KLHL5: variants seen among roughly 807,000 people sequenced by gnomAD.
The protein encoded by KLHL5 is kelch like family member 5, also known as kelch-like protein 5.
A neutral mutation model predicts 77.7 loss-of-function variants in KLHL5; 48 were observed. That is an observed-to-expected ratio of 0.62 (90% CI 0.49 to 0.79). The LOEUF is 0.79. Ranked by LOEUF, KLHL5 falls within the 30% of genes least tolerant of loss-of-function variation. The pLI, the probability that KLHL5 is intolerant of heterozygous loss-of-function variation, is 0.00. For missense variants in KLHL5, 723 were observed against 859.7 expected (o/e 0.84, Z 1.99); for synonymous variants, 260 against 297.0 (o/e 0.88, Z 1.28).
Position 39,121,166 on chromosome 4 carries a change from C to A in KLHL5, c.*100C>A. The A allele has an allele frequency of 1.1e-6, 1 of 913,972 alleles. No individual in the cohort carries two copies. Among genetic ancestry groups the A allele is most frequent in the Non-Finnish European group, 1.8e-6 (1 of 570,444 alleles). The allele number at this position is 913,972 out of a possible 1,614,324, so 56.6% of individuals were successfully genotyped here. Reference sequence around the variant, plus strand: ...CATTTTTAGTAAATGTGCATTGTCACAATCCTGGGCACAAAGTGCCTGATG... The same window carrying A: ...CATTTTTAGTAAATGTGCATTGTCAAAATCCTGGGCACAAAGTGCCTGATG... On this transcript the variant is annotated 3_prime_UTR_variant, in exon 11 of 11. Transcript: ENST00000504108.
In KLHL5 at chr4:39,123,289, AAAG is replaced by A. The variant is rs1301478445; in HGVS notation, c.*2229_*2231del. On this transcript the variant is annotated 3_prime_UTR_variant, in exon 11 of 11. Coordinates refer to ENST00000504108, the MANE Select transcript of KLHL5 (RefSeq NM_015990.5). Reference sequence around the variant, plus strand: ...TACTGGCAAACTATGCCAAACATATAAAGAAGAATTAACACTAATCCTTCTCGA... The same window carrying A: ...TACTGGCAAACTATGCCAAACATATAAAGAATTAACACTAATCCTTCTCGA... Among the ~76,000 whole-genome samples the A allele has an allele frequency of 6.6e-6, 1 of 152,232 alleles. No homozygotes were observed. The highest frequency in any genetic ancestry group is 1.5e-5 in the Non-Finnish European group (1 of 68,038).
intron 7 of KLHL5, among the ~76,000 whole-genome samples, chr4:39,106,827 A>G (rs188288599): frequency 2.3e-3 from 357 of 152,106 alleles, no homozygotes; most frequent in African/African-American, 7.7e-3. Flanking sequence ...TCATAGCTCA[A>G]TGCAACCTGA....
In KLHL5 at chr4:39,107,626, A is replaced by G. The variant is rs1181937396; in HGVS notation, c.1583A>G (p.Tyr528Cys). Residue 528 changes from tyrosine (Y) to cysteine (C), a missense_variant, in exon 8 of 11, where the codon TAT becomes TGT. Around this residue, in one of 3 missense-constraint regions of KLHL5, gnomAD observed 214 missense variants for 237.4 expected, o/e 0.90. Transcript: ENST00000504108. The part of the protein sequence containing the change: ...YAVGGHDGWS[Y>C]LNTVERWDPQ... ...GTAGGAGGACATGATGGCTGGAGCT[A>G]TCTGAACACAGTGGAAAGATGGGAC... is the stretch of plus-strand genomic sequence containing the variant. 1.2e-6 allele frequency: 2 copies of G among 1,612,858 alleles called. No individual in the cohort carries two copies. The highest frequency in any genetic ancestry group is 1.7e-5 in the Admixed American group (1 of 60,010).
chr4:39,096,736 A>C lies in KLHL5; in HGVS notation c.1158A>C (p.Ile386=). 1 of 1,613,234 alleles carries C rather than the reference A, an allele frequency of 6.2e-7. No homozygotes were observed. Among genetic ancestry groups the C allele is most frequent in the Non-Finnish European group, 8.5e-7 (1 of 1,179,196 alleles). Residue 386 remains isoleucine, a synonymous_variant, in exon 6 of 11, where the codon ATA becomes ATC. Coordinates refer to ENST00000504108, the MANE Select transcript of KLHL5 (RefSeq NM_015990.5). ...ATAATGTACTTTTTCGGGATGATATAGAATGTCAGAAACTCATTATGGAAG... is the reference window on the plus strand; with the variant it reads ...ATAATGTACTTTTTCGGGATGATATCGAATGTCAGAAACTCATTATGGAAG... ...MENNVLFRDD[I]ECQKLIMEAM...
In KLHL5 at chr4:39,113,013, T is replaced by C; in HGVS notation, c.1689-7T>C. The C allele has an allele frequency of 6.2e-7, 1 of 1,610,824 alleles. No homozygotes were observed. Among genetic ancestry groups the C allele is most frequent in the African/African-American group, 1.3e-5 (1 of 74,956 alleles). On this transcript the variant is annotated splice_region_variant and splice_polypyrimidine_tract_variant and intron_variant, in intron 8 of 10. Transcript: ENST00000504108. ...CTTATTTATCATTTCATATATTCTT[T>C]TTGCAGACTTTATGCAGTTGGTGGT...
At chr4:39,078,278 C>T (rs751016428) in intron 2 of KLHL5, among the ~76,000 whole-genome samples, 2 of 151,900 alleles carry the variant, frequency 1.3e-5, no homozygotes, top group African/African-American at 2.4e-5. Flanking sequence ...CCCAGCTCCT[C>T]GGGAGGCTGA....
chr4:39,091,854 T>TTG (rs1720605440), intron 5 of KLHL5, among the ~76,000 whole-genome samples: 1 of 142,116 alleles, frequency 7.0e-6, no homozygotes, highest in Admixed American at 7.6e-5. Flanking sequence ...TTTTTTTTTT[T>TTG]TTTTTTTTTT....
chr4:39,071,879 G>T (rs1355864730), intron 1 of KLHL5, among the ~76,000 whole-genome samples: 1 of 152,130 alleles, frequency 6.6e-6, no homozygotes, highest in African/African-American at 2.4e-5. Flanking sequence ...TAATATAAAA[G>T]ATTTGAATGA....
At chr4:39,086,373 C>A (rs1006194323) in intron 4 of KLHL5, 142 bp from the exon 5 acceptor site, 6 of 650,996 alleles carry the variant, frequency 9.2e-6, no homozygotes, top group Admixed American at 2.7e-5. Context: ...GTGTTTCTTT[C>A]CTAACAAGTA....
chr4:39,113,261 C>G (rs1560440830), intron 9 of KLHL5, 29 bp downstream of exon 9: 1 of 1,539,036 alleles, frequency 6.5e-7, no homozygotes, highest in African/African-American at 1.4e-5. Context: ...AAACTAGGAA[C>G]AAAAAAGATA....
Position 39,062,593 on chromosome 4 carries a change from A to G in KLHL5, c.-60A>G, listed in dbSNP as rs1577643878. The G allele has an allele frequency of 1.9e-6, 3 of 1,614,132 alleles. No individual in the cohort carries two copies. The highest frequency in any genetic ancestry group is 2.2e-5 in the South Asian group (2 of 91,086). ...TACTTCTCTTGTCTTGGTTGGATGC[A>G]CAAATCTGTGTGCAGTGCTTTTTGC... On this transcript the variant is annotated 5_prime_UTR_variant, in exon 1 of 11. Coordinates refer to ENST00000504108, the MANE Select transcript of KLHL5 (RefSeq NM_015990.5).
At chr4:39,117,532 G>C (rs973750604) in intron 10 of KLHL5, among the ~76,000 whole-genome samples, 1 of 152,130 alleles carries the variant, frequency 6.6e-6, no homozygotes, top group African/African-American at 2.4e-5. Flanking sequence ...GGATTCAAGA[G>C]ATATTGCCAG....
chr4:39,110,431 G>A (rs1376665936), intron 8 of KLHL5, among the ~76,000 whole-genome samples: 3 of 151,868 alleles, frequency 2.0e-5, no homozygotes, highest in Admixed American at 2.0e-4. Context: ...TTTCTAAGTT[G>A]AATCTCAAAC....
rs934203675 is a variant in KLHL5 at position 39,066,935 on chromosome 4, T to C, written c.383+3900T>C. Among the ~76,000 whole-genome samples the C allele has an allele frequency of 9.9e-5, 15 of 152,172 alleles. 1 individual carries two copies. The highest frequency in any genetic ancestry group is 1.8e-4 in the Non-Finnish European group (12 of 68,014). On this transcript the variant is annotated intron_variant, in intron 1 of 10. Coordinates refer to ENST00000504108, the MANE Select transcript of KLHL5 (RefSeq NM_015990.5). ...AGAAACTTTATTTTTTTAGAACCATTTTACATTTACAGGAAAATTACAAAG... is the reference window on the plus strand; with the variant it reads ...AGAAACTTTATTTTTTTAGAACCATCTTACATTTACAGGAAAATTACAAAG...
At chr4:39,058,791 G>T (rs1717177144), upstream of KLHL5, among the ~76,000 whole-genome samples, 2 of 151,992 alleles carry the variant, frequency 1.3e-5, no homozygotes, top group South Asian at 2.1e-4. Flanking sequence ...ATTCATTAGA[G>T]AAATATTTAT....
At chr4:39,142,373 G>A in the KLHL5 span, among the ~76,000 whole-genome samples, 3 of 148,354 alleles carry the variant, frequency 2.0e-5, no homozygotes, top group Admixed American at 1.4e-4. Flanking sequence ...CCAGCTGAGC[G>A]ACAAGAGCAA....
Position 39,081,076 on chromosome 4 carries a change from A to ATT in KLHL5, c.567-18_567-17dup. The ATT allele has an allele frequency of 4.0e-6, 6 of 1,490,892 alleles. No homozygotes were observed. The highest frequency in any genetic ancestry group is 2.4e-5 in the East Asian group (1 of 41,856). 92.4% of individuals were successfully genotyped at this position (1,490,892 alleles called of 1,614,324 possible). On this transcript the variant is annotated intron_variant, in intron 2 of 10. Transcript: ENST00000504108. The surrounding 1 kb of genome is among the most constrained non-coding windows in gnomAD (Gnocchi z 4.3). ...AACATCAACTCGAATGTGGTCATTGATTTTTTTTTTCCTAATGTGTTCACA... is the reference window on the plus strand; with the variant it reads ...AACATCAACTCGAATGTGGTCATTGATTTTTTTTTTTTCCTAATGTGTTCACA...
rs180822198 is a variant in KLHL5 at position 39,115,240 on chromosome 4, T to C, written c.1983T>C (p.Gly661=). 3.7e-6 allele frequency: 6 copies of C among 1,613,912 alleles called. No individual in the cohort carries two copies. The highest frequency in any genetic ancestry group is 2.2e-5 in the South Asian group (2 of 91,072). The change falls in exon 10 of 11, where the codon GGT becomes GGC. Residue 661 remains glycine (G), a synonymous_variant. Coordinates refer to ENST00000504108, the MANE Select transcript of KLHL5 (RefSeq NM_015990.5). ...ATGCAGTGGGGGTCTGTTTACTTGG[T>C]GATAAGTTATATGCTGTTGGGGGGT... The part of the protein sequence containing the change: ...SRDAVGVCLL[G]DKLYAVGGYD...
upstream of KLHL5, among the ~76,000 whole-genome samples, chr4:39,057,419 C>G (rs1047088337): frequency 2.0e-5 from 3 of 152,020 alleles, no homozygotes; most frequent in African/African-American, 7.2e-5. Context: ...TACAGAATAT[C>G]TGGTATATTT....
Sources: allele counts gnomAD v4.1 joint callset (sites outside exome capture counted in the v4.1 genomes callset), GRCh38; gene constraint gnomAD v4.1.1; regional missense constraint gnomAD v4.1.1; non-coding constraint Gnocchi (gnomAD v3.1); transcripts MANE v1.5; gene names NCBI Gene and HGNC (gene_info 2026-07-23, HGNC 2026-07-21).